Variants in PPP6R3 observed in about 807,000 individuals in gnomAD.
The protein encoded by PPP6R3 is protein phosphatase 6 regulatory subunit 3.
In PPP6R3, 38 loss-of-function variants were observed where a neutral mutation model predicts 110.7. The ratio of observed to expected loss-of-function variants is 0.34; its 90% CI spans 0.26 to 0.45. The LOEUF (loss-of-function observed/expected upper bound fraction) is 0.45. Among genes scored for constraint, PPP6R3 ranks in the 20% least tolerant of loss-of-function variants. The probability of loss-of-function intolerance (pLI) is 1.00; values close to 1 mark genes in which losing one functional copy is unlikely to be tolerated. For missense variants in PPP6R3, 870 were observed against 1,062.4 expected, an observed-to-expected ratio of 0.82 and a Z score of 2.52; for synonymous variants, 369 against 373.5, an observed-to-expected ratio of 0.99 and a Z score of 0.14.
chr11:68,612,502 T>TCCCAC (rs1944019859), intron 23 of PPP6R3, among the ~76,000 whole-genome samples: 1 of 152,088 alleles, frequency 6.6e-6, no homozygotes, highest in Non-Finnish European at 1.5e-5. Context: ...TTATATACTG[T>TCCCAC]CCCACCTGTT....
chr11:68,539,581 T>G (rs991963119), intron 3 of PPP6R3, among the ~76,000 whole-genome samples: 4 of 152,232 alleles, frequency 2.6e-5, no homozygotes, highest in Non-Finnish European at 2.9e-5. Flanking sequence ...ACCACCTGTG[T>G]GTAACATATC....
chr11:68,532,962 C>T (rs993963926), intron 2 of PPP6R3, among the ~76,000 whole-genome samples: 5 of 152,110 alleles, frequency 3.3e-5, no homozygotes, highest in African/African-American at 9.7e-5. Context: ...AGTCTGTATC[C>T]CTGTCATTAT....
rs903664199 is a variant in PPP6R3 at position 68,567,164 on chromosome 11, T to C, written c.1126T>C (p.Leu376=). 1.3e-6 allele frequency: 2 copies of C among 1,540,584 alleles called. No homozygotes were observed. Among genetic ancestry groups the C allele is most frequent in the African/African-American group, 1.4e-5 (1 of 72,710 alleles). Residue 376 remains leucine, a splice_region_variant and synonymous_variant, in exon 10 of 24, where the codon TTG becomes CTG. Coordinates refer to ENST00000393800, the MANE Select transcript of PPP6R3 (RefSeq NM_001164161.2). ...GGAGCTGAATAGCATTGGAGTCATA[T>C]TGGTGAGATTTTCCCTGCTCACAGA... ...LMELNSIGVI[L]NMFFKYTWNN...
intron 2 of PPP6R3, among the ~76,000 whole-genome samples, chr11:68,522,011 C>G (rs2099166544): frequency 6.6e-6 from 1 of 152,186 alleles, no homozygotes; most frequent in Non-Finnish European, 1.5e-5. Context: ...CAGGTAGGTA[C>G]TCCCACATTC....
At chr11:68,511,061 C>G (rs1351126624) in intron 1 of PPP6R3, among the ~76,000 whole-genome samples, 1 of 148,888 alleles carries the variant, frequency 6.7e-6, no homozygotes, top group African/African-American at 2.5e-5. Context: ...TACATTACGA[C>G]CATGCATACT....
rs376551000 is a variant in PPP6R3 at position 68,564,341 on chromosome 11, G to A, written c.884G>A (p.Ser295Asn). The A allele has an allele frequency of 5.0e-6, 8 of 1,612,834 alleles. No homozygotes were observed. In the African/African-American group the frequency reaches 9.3e-5, roughly 19 times the overall value. ...ATAGAGATCTGCCCACCAGGCATGA[G>A]CCATTCAGCTTGTTCAGTAAACAAG... Reference protein sequence around the residue: ...GHIEICPPGMSHSACSVNKSV... With the variant: ...GHIEICPPGMNHSACSVNKSV... Residue 295 changes from serine (S) to asparagine (N), a missense_variant, in exon 9 of 24, where the codon AGC becomes AAC. Coordinates refer to ENST00000393800, the MANE Select transcript of PPP6R3 (RefSeq NM_001164161.2).
At chr11:68,489,060 A>G (rs1340980883) in intron 1 of PPP6R3, among the ~76,000 whole-genome samples, 1 of 147,722 alleles carries the variant, frequency 6.8e-6, no homozygotes, top group South Asian at 2.1e-4. Context: ...CCTCTGTTGC[A>G]CAGGCTGGAA....
At chr11:68,476,211 G>A (rs1396003568) in intron 1 of PPP6R3, among the ~76,000 whole-genome samples, 1 of 152,252 alleles carries the variant, frequency 6.6e-6, no homozygotes, top group Non-Finnish European at 1.5e-5. Flanking sequence ...CTGCAATTCC[G>A]GCACCTCGGG....
intron 23 of PPP6R3, among the ~76,000 whole-genome samples, chr11:68,612,134 C>T (rs1164297214): frequency 6.6e-6 from 1 of 152,192 alleles, no homozygotes; most frequent in Admixed American, 6.5e-5. Flanking sequence ...CTTATAAGAT[C>T]ACTCAGCTTG....
At chr11:68,589,099 C>T (rs757346592) in intron 16 of PPP6R3, among the ~76,000 whole-genome samples, 17 of 152,030 alleles carry the variant, frequency 1.1e-4, no homozygotes, top group Non-Finnish European at 1.9e-4. Context: ...GTCCGAACTT[C>T]TGAGGAGGCT....
chr11:68,494,166 A>G (rs1185488927), intron 1 of PPP6R3, among the ~76,000 whole-genome samples: 1 of 151,438 alleles, frequency 6.6e-6, no homozygotes, highest in Non-Finnish European at 1.5e-5. Flanking sequence ...CGAAGAAAGG[A>G]TGAATGCTTG....
At chr11:68,594,333 A>T (rs11228290) in intron 18 of PPP6R3, among the ~76,000 whole-genome samples, 1 of 117,582 alleles carries the variant, frequency 8.5e-6, no homozygotes, top group African/African-American at 3.9e-5. Flanking sequence ...AGAGAGAGAG[A>T]GTGAGAGAGA....
At chr11:68,538,716 C>T (rs969791519) in intron 3 of PPP6R3, among the ~76,000 whole-genome samples, 6 of 152,200 alleles carry the variant, frequency 3.9e-5, no homozygotes, top group African/African-American at 1.2e-4. Context: ...TTAATGCTTT[C>T]AAGTTGCTAG....
intron 20 of PPP6R3, 47 bp downstream of exon 20, chr11:68,600,541 GAAT>G: frequency 6.4e-7 from 1 of 1,574,542 alleles, no homozygotes; most frequent in Non-Finnish European, 8.6e-7. Context: ...GGGGACCTGG[GAAT>G]GGTCAGGTGT....
intron 1 of PPP6R3, among the ~76,000 whole-genome samples, chr11:68,518,312 T>G (rs1375446020): frequency 6.6e-6 from 1 of 152,206 alleles, no homozygotes; most frequent in Non-Finnish European, 1.5e-5. Context: ...TCTCTTTCTG[T>G]GATGCTCCAG....
intron 15 of PPP6R3, among the ~76,000 whole-genome samples, chr11:68,584,499 C>T (rs550346641): frequency 2.2e-4 from 33 of 152,244 alleles, no homozygotes; most frequent in African/African-American, 7.7e-4. Context: ...AATTTTGTAC[C>T]TGTTGAAATA....
At chr11:68,543,262 G>A (rs1469567534) in intron 3 of PPP6R3, among the ~76,000 whole-genome samples, 2 of 152,178 alleles carry the variant, frequency 1.3e-5, no homozygotes, top group Non-Finnish European at 2.9e-5. Flanking sequence ...TCTAGTAGCT[G>A]CACCTGTAAC....
intron 21 of PPP6R3, 35 bp downstream of exon 21, chr11:68,602,004 C>A: frequency 6.6e-7 from 1 of 1,506,810 alleles, no homozygotes; most frequent in South Asian, 1.2e-5. Context: ...ACGCCAGGGT[C>A]ACGTGGCTGC....
intron 1 of PPP6R3, among the ~76,000 whole-genome samples, chr11:68,466,770 G>A (rs544864925): frequency 5.3e-5 from 8 of 152,180 alleles, no homozygotes; most frequent in Non-Finnish European, 1.0e-4. Context: ...CTGCCACCAC[G>A]CCCGGCTAAT....
Sources: allele counts gnomAD v4.1 joint callset (sites outside exome capture counted in the v4.1 genomes callset), GRCh38; gene constraint gnomAD v4.1.1; transcripts MANE v1.5; gene names NCBI Gene and HGNC (gene_info 2026-07-23, HGNC 2026-07-21).